The following RASA3 variants were observed in gnomAD, a reference collection of about 807,000 sequenced individuals.
The protein encoded by RASA3 is ras GTPase-activating protein 3.
A neutral mutation model predicts 110.0 loss-of-function variants in RASA3; 73 were observed. That is an observed-to-expected ratio of 0.66 (90% CI 0.55 to 0.81). The LOEUF (loss-of-function observed/expected upper bound fraction) is 0.81, where lower values mean the gene tolerates loss of function less well. Ranked by LOEUF, RASA3 falls within the 30% of genes least tolerant of loss-of-function variation. The pLI is 0.00. For synonymous variants in RASA3, 500 were observed against 451.4 expected (o/e 1.11, Z -1.37); for missense variants, 976 against 1,113.2 (o/e 0.88, Z 1.75).
In RASA3 at chr13:114,021,478, C is replaced by T; in HGVS notation, c.711G>A (p.Lys237=). ...GTTCTCCCAGGAATTCATCTCCAAACTTCAGGTTACTGGCATTCCAGAGGT... is the reference window on the plus strand; with the variant it reads ...GTTCTCCCAGGAATTCATCTCCAAATTTCAGGTTACTGGCATTCCAGAGGT... ...RVDLWNASNL[K]FGDEFLGELR... The change falls in exon 9 of 24, where the codon AAG becomes AAA. Residue 237 remains lysine, a synonymous_variant. Coordinates refer to ENST00000334062, the MANE Select transcript of RASA3 (RefSeq NM_007368.4). 6.2e-7 allele frequency: 1 copy of T among 1,614,016 alleles called. No homozygotes were observed. The highest frequency in any genetic ancestry group is 8.5e-7 in the Non-Finnish European group (1 of 1,180,020).
intron 2 of RASA3, among the ~76,000 whole-genome samples, chr13:114,054,791 T>C (rs1421656888): frequency 6.6e-6 from 1 of 152,266 alleles, no homozygotes; most frequent in East Asian, 1.9e-4. Flanking sequence ...AGCAGCATCC[T>C]GGTTAATGAA....
Position 114,096,813 on chromosome 13 carries a change from C to T in RASA3, c.56-22976G>A, listed in dbSNP as rs1019563565. ...CAGGCTCTGGAGCCCCTACAAGCAA[C>T]GTCCGTCTGTGTCCAGGCCGATCTC... On this transcript the variant is annotated intron_variant, in intron 1 of 23. Transcript: ENST00000334062. The surrounding 1 kb of genome is among the most constrained non-coding windows in gnomAD (Gnocchi z 5.1). Among the ~76,000 whole-genome samples the T allele has an allele frequency of 2.0e-5, 3 of 152,302 alleles. No homozygotes were observed. The highest frequency in any genetic ancestry group is 1.9e-4 in the East Asian group (1 of 5,190).
intron 4 of RASA3, among the ~76,000 whole-genome samples, chr13:114,034,110 A>G (rs2054235127): frequency 6.6e-6 from 1 of 152,060 alleles, no homozygotes. Context: ...ATCCGTGGCT[A>G]TCCACGGGCT....
chr13:114,025,548 T>C (rs1235123161), intron 7 of RASA3, among the ~76,000 whole-genome samples: 2 of 152,222 alleles, frequency 1.3e-5, no homozygotes, highest in African/African-American at 4.8e-5. Flanking sequence ...GGCTTGTCTG[T>C]TTGCATCCCT....
At chr13:114,132,399 G>A (rs1450987580) in intron 1 of RASA3, 36 bp downstream of exon 1, 3 of 1,486,736 alleles carry the variant, frequency 2.0e-6, no homozygotes. Flanking sequence ...GGGTCGGGCC[G>A]GGGGGTCGGA....
intron 18 of RASA3, among the ~76,000 whole-genome samples, chr13:114,003,779 T>C (rs1264929109): frequency 6.6e-6 from 1 of 152,204 alleles, no homozygotes; most frequent in African/African-American, 2.4e-5. Context: ...TTTAAAAAAG[T>C]TTTAAATTAT....
At chr13:114,001,069 G>C in intron 18 of RASA3, 137 bp from the exon 19 acceptor site, 1 of 641,796 alleles carries the variant, frequency 1.6e-6, no homozygotes, top group South Asian at 1.8e-5. Flanking sequence ...ATTTTACTCC[G>C]AGTGATGAGA....
intron 3 of RASA3, among the ~76,000 whole-genome samples, chr13:114,051,642 C>T (rs1473899570): frequency 1.3e-5 from 2 of 152,024 alleles, no homozygotes; most frequent in Non-Finnish European, 2.9e-5. Context: ...CCCCCACCCG[C>T]CCTTCCTGTG....
Position 114,023,974 on chromosome 13 carries a change from C to T in RASA3, c.680+305G>A, listed in dbSNP as rs113804317. On this transcript the variant is annotated intron_variant, in intron 8 of 23. Coordinates refer to ENST00000334062, the MANE Select transcript of RASA3 (RefSeq NM_007368.4). ...GAGTGAGGCCTGAACCCATGGAAGG[C>T]GGAGGGCTTAGAACAAGACCTTAAG... Among the ~76,000 whole-genome samples the T allele has an allele frequency of 6.0e-3, 911 of 152,270 alleles. 9 individuals are homozygous for T. The highest frequency in any genetic ancestry group is 0.021 in the African/African-American group (852 of 41,546).
At chr13:114,098,948 G>A (rs891512632) in intron 1 of RASA3, among the ~76,000 whole-genome samples, 1 of 151,452 alleles carries the variant, frequency 6.6e-6, no homozygotes, top group Non-Finnish European at 1.5e-5. Flanking sequence ...CACAGCAGTC[G>A]GGGCCCGGCC....
intron 1 of RASA3, among the ~76,000 whole-genome samples, chr13:114,090,827 G>C (rs916051494): frequency 6.6e-6 from 1 of 152,182 alleles, no homozygotes; most frequent in African/African-American, 2.4e-5. Flanking sequence ...AATACAAGAG[G>C]TTCCAGAGCC....
At chr13:114,041,319 T>C (rs1051129540) in intron 3 of RASA3, among the ~76,000 whole-genome samples, 5 of 152,214 alleles carry the variant, frequency 3.3e-5, no homozygotes, top group Non-Finnish European at 7.3e-5. Flanking sequence ...AACTTGTCTC[T>C]ACAAAAAATA....
At chr13:114,017,898 C>A (rs1046210650) in intron 11 of RASA3, among the ~76,000 whole-genome samples, 3 of 151,152 alleles carry the variant, frequency 2.0e-5, no homozygotes, top group Admixed American at 1.3e-4. Flanking sequence ...TCACTCTACC[C>A]GGGATTTCAA....
chr13:114,055,076 G>A (rs755199888), intron 2 of RASA3, among the ~76,000 whole-genome samples: 2 of 152,034 alleles, frequency 1.3e-5, no homozygotes, highest in Admixed American at 6.5e-5. Flanking sequence ...CCACAGGCAC[G>A]TGTTTGTGTG....
In RASA3 at chr13:113,978,036, G is replaced by A. The variant is rs772919774; in HGVS notation, c.*1311C>T. Reference sequence around the variant, plus strand: ...TTTCAAACAAGAACCGGGAGAAGTCGGTACAAGGATACGTCGTGCTGTGTA... The same window carrying A: ...TTTCAAACAAGAACCGGGAGAAGTCAGTACAAGGATACGTCGTGCTGTGTA... On this transcript the variant is annotated 3_prime_UTR_variant, in exon 24 of 24. Coordinates refer to ENST00000334062, the MANE Select transcript of RASA3 (RefSeq NM_007368.4). 3.9e-5 allele frequency: 6 copies of A among 152,154 alleles called. No homozygotes were observed. Among genetic ancestry groups the A allele is most frequent in the Admixed American group, 6.5e-5 (1 of 15,280 alleles). 9.4% of individuals were successfully genotyped at this position (152,154 alleles called of 1,614,324 possible).
chr13:114,080,394 G>GC (rs1323441529), intron 1 of RASA3, among the ~76,000 whole-genome samples: 1 of 152,160 alleles, frequency 6.6e-6, no homozygotes, highest in African/African-American at 2.4e-5. Context: ...CCCAGGGAGG[G>GC]CCCAGCACTG....
At chr13:114,008,276 G>A (rs111930052) in intron 17 of RASA3, among the ~76,000 whole-genome samples, 9 of 67,358 alleles carry the variant, frequency 1.3e-4, no homozygotes, top group South Asian at 5.3e-4. Context: ...CCCACGCACC[G>A]CGTTCCTGAC....
At chr13:114,111,598 T>A (rs1053160968) in intron 1 of RASA3, among the ~76,000 whole-genome samples, 11 of 148,058 alleles carry the variant, frequency 7.4e-5, no homozygotes, top group Non-Finnish European at 9.0e-5. Context: ...GGGCTGAGCC[T>A]CAAACGAGCT....
chr13:114,113,649 G>A (rs1009341292), intron 1 of RASA3, among the ~76,000 whole-genome samples: 11 of 128,518 alleles, frequency 8.6e-5, no homozygotes, highest in African/African-American at 1.2e-4. Flanking sequence ...CTCACACCGC[G>A]TCCATCAGTC....
Sources: gnomAD v4.1 joint callset for allele counts (sites outside exome capture counted in the v4.1 genomes callset) on GRCh38, gnomAD v4.1.1 for gene constraint, Gnocchi (gnomAD v3.1) non-coding constraint, MANE v1.5 for transcripts, NCBI Gene and HGNC (gene_info 2026-07-23, HGNC 2026-07-21) for gene names.